Variants in STX17 observed in about 807,000 individuals in gnomAD.
STX17 encodes syntaxin 17, also known as syntaxin-17.
A neutral mutation model predicts 35.9 loss-of-function variants in STX17; 29 were observed. That is an observed-to-expected ratio of 0.81 (90% CI 0.60 to 1.10). The LOEUF is 1.10. STX17 is among the 50% of genes least tolerant of loss of function. The probability of loss-of-function intolerance (pLI) is 0.00; values close to 1 mark genes in which losing one functional copy is unlikely to be tolerated. For synonymous variants in STX17, 92 were observed against 118.3 expected, an observed-to-expected ratio of 0.78 and a Z score of 1.44; for missense variants, 312 against 352.3, an observed-to-expected ratio of 0.89 and a Z score of 0.92.
Position 99,959,996 on chromosome 9 carries a change from T to C in STX17, c.495T>C (p.Asp165=), listed in dbSNP as rs372171321. ...ATGCCTTACCTGAAATTCCTCAAGA[T>C]CAAAATGCTGCAGAATCGTGGGAAA... ...QIYALPEIPQ[D]QNAAESWETL... is the part of the protein sequence containing the mutation. The change falls in exon 5 of 8, where the codon GAT becomes GAC. Residue 165 remains aspartate (D), a synonymous_variant. Coordinates refer to ENST00000259400, the MANE Select transcript of STX17 (RefSeq NM_017919.3). 1.7e-5 allele frequency: 27 copies of C among 1,613,916 alleles called. No homozygotes were observed. In the African/African-American group the frequency reaches 3.6e-4, roughly 22 times the overall value.
chr9:99,918,145 A>G (rs1050559622), intron 2 of STX17, among the ~76,000 whole-genome samples: 3 of 152,128 alleles, frequency 2.0e-5, no homozygotes, highest in Admixed American at 2.0e-4. Flanking sequence ...TCTTTTTAAA[A>G]TAGAGACAGA....
intron 1 of STX17, among the ~76,000 whole-genome samples, chr9:99,907,759 C>G (rs1307895800): frequency 1.3e-5 from 2 of 152,112 alleles, no homozygotes; most frequent in Non-Finnish European, 2.9e-5. Context: ...TACCATAGCG[C>G]AATTATCAAA....
Position 99,970,056 on chromosome 9 carries a change from G to A in STX17, c.*1383G>A, listed in dbSNP as rs552570759. On this transcript the variant is annotated 3_prime_UTR_variant, in exon 8 of 8. Coordinates refer to ENST00000259400, the MANE Select transcript of STX17 (RefSeq NM_017919.3). ...GTACCCCAACTCATTTAAAATAGGA[G>A]GAATCACTTTTTGCCTTACTTAACG... 1 of 152,534 alleles carries A rather than the reference G, an allele frequency of 6.6e-6. No individual in the cohort carries two copies. The highest frequency in any genetic ancestry group is 2.1e-4 in the South Asian group (1 of 4,822). 9.4% of individuals were successfully genotyped at this position (152,534 alleles called of 1,614,324 possible).
intron 3 of STX17, among the ~76,000 whole-genome samples, chr9:99,939,269 C>T (rs1829302789): frequency 6.6e-6 from 1 of 152,116 alleles, no homozygotes; most frequent in African/African-American, 2.4e-5. Flanking sequence ...AAAGAAGATA[C>T]AAGAGTGGAT....
At chr9:99,945,616 C>T in intron 3 of STX17, 3 of 222,098 alleles carry the variant, frequency 1.4e-5, no homozygotes, top group Non-Finnish European at 2.8e-5. Context: ...AATCTTTCAC[C>T]TTATTGTGTG....
intron 1 of STX17, chr9:99,907,298 G>GT (rs1165235399): frequency 6.6e-6 from 1 of 152,222 alleles, no homozygotes; most frequent in Non-Finnish European, 1.5e-5. Context: ...TCCAAATTCG[G>GT]TATCTCTTCC....
chr9:99,949,963 A>ACACACT (rs1224647207), intron 3 of STX17, among the ~76,000 whole-genome samples: 2 of 151,452 alleles, frequency 1.3e-5, no homozygotes, highest in African/African-American at 4.9e-5. Flanking sequence ...ACACACACAC[A>ACACACT]CACTCCTATG....
At chr9:99,920,665 G>T (rs1828868189) in intron 2 of STX17, among the ~76,000 whole-genome samples, 2 of 152,144 alleles carry the variant, frequency 1.3e-5, no homozygotes, top group Admixed American at 1.3e-4. Context: ...GTACCAAAAT[G>T]ATACTTTGTA....
chr9:99,934,027 G>A (rs1459306853), intron 3 of STX17, among the ~76,000 whole-genome samples: 2 of 152,148 alleles, frequency 1.3e-5, no homozygotes, highest in African/African-American at 4.8e-5. Flanking sequence ...TAAAACCTTA[G>A]TAAAAGTTAA....
intron 2 of STX17, 74 bp from the exon 3 acceptor site, chr9:99,928,704 G>T: frequency 7.5e-7 from 1 of 1,335,400 alleles, no homozygotes; most frequent in Non-Finnish European, 1.1e-6. Flanking sequence ...TGGGTGAGTG[G>T]GGATTTTTGT....
At chr9:99,912,500 A>G (rs779614983) in intron 1 of STX17, among the ~76,000 whole-genome samples, 1 of 152,142 alleles carries the variant, frequency 6.6e-6, no homozygotes, top group African/African-American at 2.4e-5. Flanking sequence ...TGAGTTTCTC[A>G]TACATTCTAG....
intron 7 of STX17, among the ~76,000 whole-genome samples, 153 bp from the exon 8 acceptor site, chr9:99,968,281 C>T (rs1829956854): frequency 6.6e-6 from 1 of 152,212 alleles, no homozygotes; most frequent in South Asian, 2.1e-4. Flanking sequence ...CTGTGGAATA[C>T]TTTCTTTTCC....
chr9:99,968,291 C>T (rs1187010740), intron 7 of STX17, 143 bp from the exon 8 acceptor site: 10 of 1,020,224 alleles, frequency 9.8e-6, no homozygotes, highest in Non-Finnish European at 1.2e-5. Flanking sequence ...CTTTCTTTTC[C>T]CCCCTACAAG....
intron 1 of STX17, chr9:99,907,248 A>T (rs1348439418): frequency 6.6e-6 from 1 of 152,246 alleles, no homozygotes; most frequent in African/African-American, 2.4e-5. Context: ...CCTTTTAGCT[A>T]ACCGAGGTTC....
intron 3 of STX17, 78 bp downstream of exon 3, chr9:99,928,921 T>C: frequency 7.7e-7 from 1 of 1,290,712 alleles, no homozygotes; most frequent in South Asian, 1.3e-5. Context: ...ATATTACCTT[T>C]GCAGCTGAAC....
intron 4 of STX17, among the ~76,000 whole-genome samples, chr9:99,955,908 A>G (rs991860726): frequency 6.6e-6 from 1 of 152,154 alleles, no homozygotes; most frequent in Admixed American, 6.6e-5. Context: ...TCCTGAAACT[A>G]TAATCTATCT....
chr9:99,935,481 A>T (rs1264787970), intron 3 of STX17, among the ~76,000 whole-genome samples: 1 of 152,016 alleles, frequency 6.6e-6, no homozygotes, highest in African/African-American at 2.4e-5. Flanking sequence ...ATTTCTGAAA[A>T]TTTTCAGAAT....
At chr9:99,917,770 G>A (rs931840965) in intron 2 of STX17, among the ~76,000 whole-genome samples, 2 of 152,130 alleles carry the variant, frequency 1.3e-5, no homozygotes, top group African/African-American at 2.4e-5. Context: ...TCTTTGTTTC[G>A]TATTGTAGGG....
chr9:99,963,490 A>T (rs561299874), intron 6 of STX17, among the ~76,000 whole-genome samples: 1 of 152,162 alleles, frequency 6.6e-6, no homozygotes, highest in Non-Finnish European at 1.5e-5. Context: ...TTTATTACCT[A>T]TGTGACCTTC....
Sources: allele counts gnomAD v4.1 joint callset (sites outside exome capture counted in the v4.1 genomes callset), GRCh38; gene constraint gnomAD v4.1.1; transcripts MANE v1.5; gene names NCBI Gene and HGNC (gene_info 2026-07-23, HGNC 2026-07-21).